The following PRPSAP1 variants were observed in gnomAD, a reference collection of about 807,000 sequenced individuals.
PRPSAP1 encodes phosphoribosyl pyrophosphate synthase-associated protein 1.
Under a neutral mutation model 39.4 loss-of-function variants are expected in PRPSAP1, and 31 were observed. The ratio of observed to expected loss-of-function variants is 0.79; its 90% CI spans 0.59 to 1.06. The LOEUF (loss-of-function observed/expected upper bound fraction) is 1.06. PRPSAP1 is among the 50% of genes least tolerant of loss of function. The pLI is 0.00. For missense variants in PRPSAP1, 430 were observed against 511.6 expected, an observed-to-expected ratio of 0.84 and a Z score of 1.54; for synonymous variants, 212 against 192.6, an observed-to-expected ratio of 1.10 and a Z score of -0.83.
chr17:76,333,766 T>C (rs745768112), intron 3 of PRPSAP1, among the ~76,000 whole-genome samples: 4 of 152,216 alleles, frequency 2.6e-5, no homozygotes, highest in Non-Finnish European at 1.5e-5. Flanking sequence ...ATCTGGAAGA[T>C]ATTAGAAGGA....
intron 7 of PRPSAP1, among the ~76,000 whole-genome samples, chr17:76,326,640 G>A (rs383679): frequency 0.3 from 45,060 of 152,114 alleles, 7,646 homozygotes; most frequent in African/African-American, 0.46. Flanking sequence ...GAATAAAGCA[G>A]CCACTCCAGA....
At chr17:76,321,079 A>G (rs1241757933) in intron 7 of PRPSAP1, among the ~76,000 whole-genome samples, 2 of 152,068 alleles carry the variant, frequency 1.3e-5, no homozygotes, top group African/African-American at 4.8e-5. Context: ...CACCGTGCCC[A>G]GCCAGGGTGC....
rs942634897 is a variant in PRPSAP1, at chr17:76,334,071, A to C, written c.291-1636T>G. On this transcript the variant is annotated intron_variant, in intron 3 of 9. Coordinates refer to ENST00000446526, the MANE Select transcript of PRPSAP1 (RefSeq NM_002766.3). ...TCCCAGACAGGCTCTTCCTTTAAAA[A>C]GGGGTGAGAGCCTTGAAATCCTTCC... 5.9e-5 allele frequency among the ~76,000 whole-genome samples: 9 copies of C among 152,102 alleles called. No homozygotes were observed. The South Asian group carries it at 1.9e-3, about 32-fold the overall frequency.
chr17:76,336,411 T>C (rs7219756), intron 3 of PRPSAP1, among the ~76,000 whole-genome samples: 148,846 of 148,850 alleles, frequency 1, 74,421 homozygotes, highest in Non-Finnish European at 1. Flanking sequence ...GCACTCCAGC[T>C]TGGGCTACAG....
chr17:76,314,228 G>GTATGTATGT (rs149061354), intron 7 of PRPSAP1: 1 of 275,108 alleles, frequency 3.6e-6, no homozygotes, highest in African/African-American at 2.2e-5. Flanking sequence ...ATGTATGTAT[G>GTATGTATGT]TATTTTTTGA....
At chr17:76,335,600 C>G (rs1349742544) in intron 3 of PRPSAP1, among the ~76,000 whole-genome samples, 1 of 152,032 alleles carries the variant, frequency 6.6e-6, no homozygotes, top group Non-Finnish European at 1.5e-5. Context: ...GGTGATCCAA[C>G]CGCCTCGGCC....
chr17:76,324,155 A>AT (rs1355631145), intron 7 of PRPSAP1, among the ~76,000 whole-genome samples: 1 of 151,388 alleles, frequency 6.6e-6, no homozygotes, highest in African/African-American at 2.4e-5. Flanking sequence ...AAAAAAAAAA[A>AT]GAAAGTAGTT....
rs1385751519 is a variant in PRPSAP1, at chr17:76,310,294, G to C, written c.*1248C>G. 1 of 142,274 alleles carries C rather than the reference G, an allele frequency of 7.0e-6. No homozygotes were observed. Among genetic ancestry groups the C allele is most frequent in the Non-Finnish European group, 1.5e-5 (1 of 66,704 alleles). 8.8% of individuals were successfully genotyped at this position (142,274 alleles called of 1,614,324 possible). A position where few individuals can be genotyped will look rare whatever the true frequency, so the allele number is the denominator to read the frequency against. On this transcript the variant is annotated 3_prime_UTR_variant, in exon 10 of 10. Transcript: ENST00000446526. ...TTACAGGCGTGAGCCATGATGCCTG[G>C]CCTCTTTGTAGTCTTTTTATGCTTT...
intron 1 of PRPSAP1, among the ~76,000 whole-genome samples, chr17:76,351,517 C>G (rs1347764275): frequency 6.7e-6 from 1 of 148,984 alleles, no homozygotes; most frequent in Non-Finnish European, 1.5e-5. Flanking sequence ...CGTCTCAAAA[C>G]AAAAAACAAA....
intron 1 of PRPSAP1, among the ~76,000 whole-genome samples, chr17:76,351,028 G>T (rs913826655): frequency 6.6e-6 from 1 of 151,402 alleles, no homozygotes; most frequent in Non-Finnish European, 1.5e-5. Context: ...GCAAAACTTC[G>T]TCTCAAAAAC....
chr17:76,316,290 T>A (rs951594523), intron 7 of PRPSAP1, among the ~76,000 whole-genome samples: 4 of 152,104 alleles, frequency 2.6e-5, no homozygotes, highest in Non-Finnish European at 5.9e-5. Flanking sequence ...TATATTTGTT[T>A]ACTTTTTTGC....
rs555313470 is a variant in PRPSAP1, at chr17:76,317,075, G to C, written c.782-3184C>G. Reference sequence around the variant, plus strand: ...TATCAACAAACTGACATTAAAAAGAGATGAGTGGCTGGGCATGATGGCTCA... The same window carrying C: ...TATCAACAAACTGACATTAAAAAGACATGAGTGGCTGGGCATGATGGCTCA... On this transcript the variant is annotated intron_variant, in intron 7 of 9. Coordinates refer to ENST00000446526, the MANE Select transcript of PRPSAP1 (RefSeq NM_002766.3). Among the ~76,000 whole-genome samples the C allele has an allele frequency of 3.3e-5, 5 of 152,338 alleles. No individual in the cohort carries two copies. The South Asian group carries it at 1.0e-3, about 32-fold the overall frequency.
chr17:76,343,454 G>A lies in PRPSAP1; in HGVS notation c.290+1217C>T, dbSNP rs187852932. Among the ~76,000 whole-genome samples the A allele has an allele frequency of 2.6e-3, 390 of 152,366 alleles. 1 individual carries two copies. The highest frequency in any genetic ancestry group is 8.6e-3 in the African/African-American group (356 of 41,582). On this transcript the variant is annotated intron_variant, in intron 3 of 9. Coordinates refer to ENST00000446526, the MANE Select transcript of PRPSAP1 (RefSeq NM_002766.3). ...ACCAGGAGCAGTTTATGCACCACAC[G>A]TAACAACTAGAAGCTTTTCAGCAGA... is the stretch of plus-strand genomic sequence containing the variant.
chr17:76,330,018 C>A (rs1409220032), intron 6 of PRPSAP1, 25 bp downstream of exon 6: 1 of 1,607,290 alleles, frequency 6.2e-7, no homozygotes, highest in Admixed American at 1.7e-5. Context: ...CAGGAGGGAT[C>A]AGGACCCATG....
chr17:76,334,917 T>C (rs1459845043), intron 3 of PRPSAP1, among the ~76,000 whole-genome samples: 1 of 152,142 alleles, frequency 6.6e-6, no homozygotes, highest in Non-Finnish European at 1.5e-5. Context: ...TCATCATCCA[T>C]GCAACACATA....
Position 76,328,851 on chromosome 17 carries a change from T to C in PRPSAP1, c.647A>G (p.Tyr216Cys), listed in dbSNP as rs1308483795. Residue 216 changes from tyrosine (Y) to cysteine (C), a missense_variant, in exon 7 of 10, where the codon TAT becomes TGT. Physicochemically the swap from Tyr to Cys is radical, Grantham distance 194. Coordinates refer to ENST00000446526, the MANE Select transcript of PRPSAP1 (RefSeq NM_002766.3). Reference protein sequence around the residue: ...SPDAAKRAQSYAERLRLGLAV... With the variant: ...SPDAAKRAQSCAERLRLGLAV... ...CAAACCCAGACGCAGTCTCTCCGCA[T>C]AGGACTGGGCCCTAGAAGGACAAAG... The C allele has an allele frequency of 7.4e-6, 12 of 1,613,918 alleles. No homozygotes were observed. Among genetic ancestry groups the C allele is most frequent in the South Asian group, 1.1e-5 (1 of 91,074 alleles).
At chr17:76,326,280 C>T (rs1021059105) in intron 7 of PRPSAP1, among the ~76,000 whole-genome samples, 1 of 152,040 alleles carries the variant, frequency 6.6e-6, no homozygotes, top group Non-Finnish European at 1.5e-5. Context: ...ACACTGACAA[C>T]AATCACAGTC....
intron 7 of PRPSAP1, among the ~76,000 whole-genome samples, chr17:76,318,333 C>T (rs2071146559): frequency 6.6e-6 from 1 of 152,042 alleles, no homozygotes; most frequent in East Asian, 1.9e-4. Flanking sequence ...ACCTGTAATC[C>T]CAGCTACTCG....
intron 3 of PRPSAP1, among the ~76,000 whole-genome samples, chr17:76,343,462 TAGA>T (rs1446308891): frequency 6.6e-6 from 1 of 152,222 alleles, no homozygotes; most frequent in Admixed American, 6.5e-5. Flanking sequence ...ACGTAACAAC[TAGA>T]AGCTTTTCAG....
Sources: gnomAD v4.1 joint callset for allele counts (sites outside exome capture counted in the v4.1 genomes callset) on GRCh38, gnomAD v4.1.1 for gene constraint, MANE v1.5 for transcripts, NCBI Gene and HGNC (gene_info 2026-07-23, HGNC 2026-07-21) for gene names.